STRBP: variants seen among roughly 807,000 people sequenced by gnomAD.
STRBP encodes the protein spermatid perinuclear RNA-binding protein.
STRBP carries 13 observed loss-of-function variants against 80.1 expected under a neutral mutation model. That is an observed-to-expected ratio of 0.16 (90% CI 0.11 to 0.26). The LOEUF is 0.26. STRBP is among the 10% of genes least tolerant of loss of function. The pLI, the probability that STRBP is intolerant of heterozygous loss-of-function variation, is 1.00. For missense variants in STRBP, 485 were observed against 815.2 expected (o/e 0.59, Z 4.93); for synonymous variants, 284 against 291.2 (o/e 0.98, Z 0.25).
At chr9:123,175,343 A>G (rs2038175784) in intron 4 of STRBP, among the ~76,000 whole-genome samples, 2 of 152,240 alleles carry the variant, frequency 1.3e-5, no homozygotes, top group Admixed American at 6.5e-5. Context: ...GGAAACAGTC[A>G]TTCTAGCTAT....
intron 17 of STRBP, 121 bp from the exon 18 acceptor site, chr9:123,128,379 G>A: frequency 9.2e-7 from 1 of 1,085,986 alleles, no homozygotes; most frequent in Non-Finnish European, 1.4e-6. Context: ...GATGTTGGAT[G>A]AATGAGAACC....
chr9:123,179,140 C>T lies in STRBP; in HGVS notation c.91G>A (p.Val31Ile). The T allele has an allele frequency of 1.2e-6, 2 of 1,614,078 alleles. No homozygotes were observed. Among genetic ancestry groups the T allele is most frequent in the South Asian group, 1.1e-5 (1 of 91,064 alleles). Residue 31 changes from valine (V) to isoleucine (I), a missense_variant, in exon 4 of 19, where the codon GTT (valine) becomes ATT (isoleucine). By Grantham distance (29) the Val-to-Ile change is conservative. Coordinates refer to ENST00000348403, the MANE Select transcript of STRBP (RefSeq NM_018387.5). ...IYPSPEELEA[V>I]QNMVSTVECA... ...TCAACAGTAGATACCATATTCTGAA[C>T]AGCTTCAAGTTCCTCCGGAGATGGA...
chr9:123,246,133 A>C (rs2040795366), intron 1 of STRBP, among the ~76,000 whole-genome samples: 1 of 152,232 alleles, frequency 6.6e-6, no homozygotes, highest in South Asian at 2.1e-4. Context: ...ACCTAAAATC[A>C]AAAGGAAAGA....
Position 123,248,881 on chromosome 9 carries a change from T to G in STRBP, c.-301-11915A>C, listed in dbSNP as rs2040856043. On this transcript the variant is annotated intron_variant, in intron 1 of 18. Coordinates refer to ENST00000348403, the MANE Select transcript of STRBP (RefSeq NM_018387.5). ...CCCCTTCAGCTAGACTATAAACTAC[T>G]AAAGAGAAGGAACCGTTTTTCATAA... 2.0e-5 allele frequency among the ~76,000 whole-genome samples: 3 copies of G among 152,352 alleles called. 1 individual carries two copies. The highest frequency in any genetic ancestry group is 2.0e-4 in the Admixed American group (3 of 15,306).
downstream of STRBP, among the ~76,000 whole-genome samples, chr9:123,118,319 G>A (rs1179845504): frequency 6.6e-6 from 1 of 152,026 alleles, no homozygotes; most frequent in Non-Finnish European, 1.5e-5. Flanking sequence ...GACCTAAACT[G>A]AGGGCTGCTG....
intron 1 of STRBP, among the ~76,000 whole-genome samples, chr9:123,254,817 T>TA (rs1416563542): frequency 6.6e-6 from 1 of 152,170 alleles, no homozygotes; most frequent in African/African-American, 2.4e-5. Context: ...CAAAAGGCTC[T>TA]ATAATGACAG....
chr9:123,182,169 C>T (rs1195828673), intron 3 of STRBP, among the ~76,000 whole-genome samples: 1 of 132,952 alleles, frequency 7.5e-6, no homozygotes, highest in Admixed American at 8.7e-5. Flanking sequence ...GAGCTGAGAT[C>T]GTGCCATTGC....
At chr9:123,193,347 AC>A (rs1389930300) in intron 2 of STRBP, among the ~76,000 whole-genome samples, 1 of 152,160 alleles carries the variant, frequency 6.6e-6, no homozygotes, top group Non-Finnish European at 1.5e-5. Context: ...CCAAAAGGTC[AC>A]CATCTCTTCC....
intron 3 of STRBP, among the ~76,000 whole-genome samples, chr9:123,183,103 G>T (rs1403243122): frequency 6.6e-6 from 1 of 151,720 alleles, no homozygotes; most frequent in Non-Finnish European, 1.5e-5. Context: ...AATCATACTG[G>T]TGATTAATAT....
chr9:123,242,796 C>A (rs562112502), intron 1 of STRBP, among the ~76,000 whole-genome samples: 15 of 152,300 alleles, frequency 9.8e-5, no homozygotes, highest in African/African-American at 3.1e-4. Context: ...TCTCTCCATA[C>A]AATTTAAGTA....
rs1020802222 is a variant in STRBP, at chr9:123,110,050, A to G, written c.*85-297T>C. The G allele has an allele frequency of 1.3e-5, 2 of 152,290 alleles. No homozygotes were observed. The highest frequency in any genetic ancestry group is 4.8e-5 in the African/African-American group (2 of 41,526). 9.4% of individuals were successfully genotyped at this position (152,290 alleles called of 1,614,324 possible). A position where few individuals can be genotyped will look rare whatever the true frequency, so the allele number is the denominator to read the frequency against. On this transcript the variant is annotated intron_variant and NMD_transcript_variant, in intron 3 of 3. Coordinates refer to the STRBP transcript ENST00000471564. This position sits in a 1 kb window ranked among gnomAD's most constrained non-coding sequence, Gnocchi z 4.1. ...AACCGTGCGGTAGGGAAAGGTTTCT[A>G]TCCACGACTACGCTCAGCCTCCTCC... is the stretch of plus-strand genomic sequence containing the variant.
In STRBP at chr9:123,238,918, T is replaced by A. The variant is rs146975577; in HGVS notation, c.-301-1952A>T. Among the ~76,000 whole-genome samples, 7 of 152,332 alleles carry A rather than the reference T, an allele frequency of 4.6e-5. No individual in the cohort carries two copies. In the East Asian group the frequency reaches 1.3e-3, roughly 29 times the overall value. Reference sequence around the variant, plus strand: ...ATGCCATCTGGGAGCAGGCAAAAGTTCAATGAATTGTAAAGGCAGGAAGGT... The same window carrying A: ...ATGCCATCTGGGAGCAGGCAAAAGTACAATGAATTGTAAAGGCAGGAAGGT... On this transcript the variant is annotated intron_variant, in intron 1 of 18. Coordinates refer to ENST00000348403, the MANE Select transcript of STRBP (RefSeq NM_018387.5).
intron 18 of STRBP, 94 bp downstream of exon 18, chr9:123,128,120 C>A: frequency 6.9e-7 from 1 of 1,448,102 alleles, no homozygotes; most frequent in South Asian, 1.2e-5. Flanking sequence ...ATCTGAGATC[C>A]TCCAATTAAT....
At chr9:123,260,936 A>T (rs1454743204) in intron 1 of STRBP, among the ~76,000 whole-genome samples, 1 of 152,186 alleles carries the variant, frequency 6.6e-6, no homozygotes, top group Non-Finnish European at 1.5e-5. Flanking sequence ...GCTCACTTCC[A>T]AAAAAAGAAA....
intron 2 of STRBP, among the ~76,000 whole-genome samples, chr9:123,197,963 G>A (rs940570534): frequency 1.3e-5 from 2 of 151,950 alleles, no homozygotes; most frequent in South Asian, 2.1e-4. Flanking sequence ...CGTGAGCCAC[G>A]GAGCCTGGCT....
intron 2 of STRBP, among the ~76,000 whole-genome samples, chr9:123,220,213 T>C (rs1157804777): frequency 6.6e-6 from 1 of 152,252 alleles, no homozygotes; most frequent in African/African-American, 2.4e-5. Context: ...CAGTGATGCA[T>C]TTCTTAACAA....
chr9:123,264,903 A>G (rs1334258929), intron 1 of STRBP, among the ~76,000 whole-genome samples: 3 of 152,174 alleles, frequency 2.0e-5, no homozygotes, highest in Non-Finnish European at 4.4e-5. Flanking sequence ...TAAGAAATAT[A>G]AGGAGGAAAC....
chr9:123,115,685 T>G lies in STRBP; in HGVS notation c.*84+244A>C, dbSNP rs2035633818. 3 of 335,798 alleles carry G rather than the reference T, an allele frequency of 8.9e-6. No individual in the cohort carries two copies. The highest frequency in any genetic ancestry group is 8.1e-5 in the Admixed American group (2 of 24,826). 20.8% of individuals were successfully genotyped at this position (335,798 alleles called of 1,614,324 possible). A position where few individuals can be genotyped will look rare whatever the true frequency, so the allele number is the denominator to read the frequency against. On this transcript the variant is annotated intron_variant and NMD_transcript_variant, in intron 3 of 3. Transcript: ENST00000471564. This position sits in a 1 kb window ranked among gnomAD's most constrained non-coding sequence, Gnocchi z 5.0. Reference sequence around the variant, plus strand: ...GACATGGTCTTGGCAGCATCACCAGTCAACATCAGAGTTCGTCCAAACTGA... The same window carrying G: ...GACATGGTCTTGGCAGCATCACCAGGCAACATCAGAGTTCGTCCAAACTGA...
rs1316827699 is a variant in STRBP, at chr9:123,126,389, T to C, written c.1943-716A>G. Among the ~76,000 whole-genome samples, 1 of 152,182 alleles carries C rather than the reference T, an allele frequency of 6.6e-6. No individual in the cohort carries two copies. Among genetic ancestry groups the C allele is most frequent in the Admixed American group, 6.5e-5 (1 of 15,270 alleles). ...AGACATATTTACCTTACAGCCAAAA[T>C]AAAGCATCGTTTTAGTAGGTTTGCA... is the stretch of plus-strand genomic sequence containing the variant. On this transcript the variant is annotated intron_variant, in intron 18 of 18. Transcript: ENST00000348403. The surrounding 1 kb of genome is among the most constrained non-coding windows in gnomAD (Gnocchi z 4.4).
Sources: gnomAD v4.1 joint callset for allele counts (sites outside exome capture counted in the v4.1 genomes callset) on GRCh38, gnomAD v4.1.1 for gene constraint, Gnocchi (gnomAD v3.1) non-coding constraint, MANE v1.5 for transcripts, NCBI Gene and HGNC (gene_info 2026-07-23, HGNC 2026-07-21) for gene names.